Variants in TMIE observed in about 807,000 individuals in gnomAD.
TMIE encodes transmembrane inner ear, also known as transmembrane inner ear expressed protein.
TMIE carries 14 observed loss-of-function variants against 16.8 expected under a neutral mutation model. The ratio of observed to expected loss-of-function variants is 0.83; its 90% CI spans 0.55 to 1.30. The LOEUF (loss-of-function observed/expected upper bound fraction) is 1.30, where lower values mean the gene tolerates loss of function less well. Among genes scored for constraint, TMIE ranks in the 50% most tolerant of loss-of-function variants. The pLI is 0.00. For synonymous variants in TMIE, 75 were observed against 87.2 expected (o/e 0.86, Z 0.78); for missense variants, 204 against 205.9 (o/e 0.99, Z 0.06).
chr3:46,704,488 T>TGTCCCCTAGAC lies in TMIE; in HGVS notation c.94-1301_94-1300insTCCCCTAGACG, dbSNP rs1559496021. On this transcript the variant is annotated intron_variant, in intron 1 of 3. Coordinates refer to ENST00000643606, the MANE Select transcript of TMIE (RefSeq NM_147196.3). ...CCCAGGGCAGGACCATGTCCCTAGA[T>TGTCCCCTAGAC]GCCCAGGGCAGGACCGTGTCCCCTA... Among the ~76,000 whole-genome samples the TGTCCCCTAGAC allele has an allele frequency of 7.3e-5, 9 of 122,702 alleles. 2 individuals carry two copies. Among genetic ancestry groups the TGTCCCCTAGAC allele is most frequent in the African/African-American group, 1.7e-4 (5 of 29,072 alleles). 80.5% of individuals were successfully genotyped at this position (122,702 alleles called of 152,430 possible). A position where few individuals can be genotyped will look rare whatever the true frequency, so the allele number is the denominator to read the frequency against.
intron 1 of TMIE, among the ~76,000 whole-genome samples, chr3:46,695,932 C>T (rs1700408034): frequency 6.6e-6 from 1 of 152,220 alleles, no homozygotes; most frequent in African/African-American, 2.4e-5. Flanking sequence ...CCTGCCCAGC[C>T]TCTCTTACAG....
At chr3:46,707,703 G>A (rs1700569176) in intron 2 of TMIE, among the ~76,000 whole-genome samples, 2 of 152,218 alleles carry the variant, frequency 1.3e-5, no homozygotes, top group Admixed American at 1.3e-4. Flanking sequence ...AGGCTGTGCG[G>A]GGCAGGCCTG....
At chr3:46,708,976 A>G in intron 2 of TMIE, 150 bp from the exon 3 acceptor site, 1 of 985,420 alleles carries the variant, frequency 1.0e-6, no homozygotes, top group Non-Finnish European at 1.5e-6. Flanking sequence ...TAGGGTCCAC[A>G]GGGGTTTTGT....
At chr3:46,698,274 G>A (rs1307692930), upstream of TMIE, among the ~76,000 whole-genome samples, 1 of 152,066 alleles carries the variant, frequency 6.6e-6, no homozygotes, top group Admixed American at 6.6e-5. Flanking sequence ...TCGATCTCCT[G>A]ACCTCATGAT....
At chr3:46,699,060 A>ATTTTTT (rs397951323), upstream of TMIE, among the ~76,000 whole-genome samples, 14 of 84,868 alleles carry the variant, frequency 1.6e-4, 3 homozygotes, top group Non-Finnish European at 2.7e-4. Flanking sequence ...GGTGTTTCTT[A>ATTTTTT]TTTTTTTTTT....
chr3:46,708,999 C>A, intron 2 of TMIE, 127 bp from the exon 3 acceptor site: 4 of 1,258,776 alleles, frequency 3.2e-6, no homozygotes, highest in Non-Finnish European at 4.5e-6. Flanking sequence ...AGATGCTGAG[C>A]CTCCTGCCAG....
In TMIE at chr3:46,709,695, C is replaced by T. The variant is rs1700596893; in HGVS notation, c.*7C>T. The T allele has an allele frequency of 1.9e-6, 3 of 1,613,926 alleles. No homozygotes were observed. Among genetic ancestry groups the T allele is most frequent in the Middle Eastern group, 1.7e-4 (1 of 6,050 alleles). On this transcript the variant is annotated 3_prime_UTR_variant, in exon 4 of 4. Coordinates refer to ENST00000643606, the MANE Select transcript of TMIE (RefSeq NM_147196.3). ...GAAGAAAGGAGAGAAATGAAGACAT[C>T]CTGGGCAGCTTGGGCTGGCGGGCCC...
At chr3:46,705,935 C>T (rs750946525) in intron 2 of TMIE, 28 bp downstream of exon 2, 6 of 1,601,414 alleles carry the variant, frequency 3.7e-6, no homozygotes. Context: ...TCCCTCTCCA[C>T]CACACTGCAG....
At chr3:46,707,131 T>G (rs960435638) in intron 2 of TMIE, among the ~76,000 whole-genome samples, 1 of 152,152 alleles carries the variant, frequency 6.6e-6, no homozygotes, top group African/African-American at 2.4e-5. Context: ...CACAGACAGA[T>G]AGGTGTGCCT....
In TMIE at chr3:46,701,574, G is replaced by A. The variant is rs1700477876; in HGVS notation, c.87G>A (p.Leu29=). 2 of 1,285,486 alleles carry A rather than the reference G, an allele frequency of 1.6e-6. No homozygotes were observed. Among genetic ancestry groups the A allele is most frequent in the Admixed American group, 4.2e-5 (1 of 23,848 alleles). The allele number at this position is 1,285,486 out of a possible 1,614,324, so 79.6% of individuals were successfully genotyped here. A position where few individuals can be genotyped will look rare whatever the true frequency, so the allele number is the denominator to read the frequency against. The change falls in exon 1 of 4, where the codon CTG becomes CTA. Residue 29 remains leucine (L), a synonymous_variant. Transcript: ENST00000643606. The surrounding 1 kb of genome is among the most constrained non-coding windows in gnomAD (Gnocchi z 4.3). ...GCCTCGCGGGGGTTGCCGGGCAGCT[G>A]GTGGAGGTGAGGCCGCGGCACGGAG... ...GVCLAGVAGQ[L]VEPSTAPPKP...
chr3:46,694,275 C>G (rs1256357665), upstream of TMIE, among the ~76,000 whole-genome samples: 1 of 152,206 alleles, frequency 6.6e-6, no homozygotes, highest in Non-Finnish European at 1.5e-5. Flanking sequence ...CTCAACAGGC[C>G]TAGTAGAGCA....
chr3:46,708,729 G>C (rs961448145), intron 2 of TMIE, among the ~76,000 whole-genome samples: 2 of 152,214 alleles, frequency 1.3e-5, no homozygotes, highest in Non-Finnish European at 2.9e-5. Context: ...GTGTGGGAAG[G>C]AGAAGCTAAG....
upstream of TMIE, among the ~76,000 whole-genome samples, chr3:46,699,711 G>A (rs142480047): frequency 1.3e-5 from 2 of 152,304 alleles, no homozygotes; most frequent in South Asian, 4.1e-4. Flanking sequence ...TCTTCACTAG[G>A]CTTGCCCTAC....
chr3:46,708,071 T>C (rs1394371685), intron 2 of TMIE, among the ~76,000 whole-genome samples: 1 of 152,204 alleles, frequency 6.6e-6, no homozygotes, highest in East Asian at 1.9e-4. Context: ...GGCTCCCCAA[T>C]TCATTCACTC....
upstream of TMIE, among the ~76,000 whole-genome samples, chr3:46,694,251 C>T (rs1039353334): frequency 9.9e-5 from 15 of 152,210 alleles, no homozygotes; most frequent in African/African-American, 2.9e-4. Flanking sequence ...CCCCTTTCCT[C>T]CCCACTCCTG....
At chr3:46,701,250 G>A (rs1404433776), upstream of TMIE, 6 of 411,860 alleles carry the variant, frequency 1.5e-5, no homozygotes, top group Non-Finnish European at 2.6e-5. The surrounding 1 kb of genome is among the most constrained non-coding windows in gnomAD (Gnocchi z 4.3). Flanking sequence ...GGATGCGGAA[G>A]GTGGGGGCAG....
At chr3:46,704,607 G>A (rs1418277503) in intron 1 of TMIE, among the ~76,000 whole-genome samples, 1 of 148,236 alleles carries the variant, frequency 6.7e-6, no homozygotes, top group Non-Finnish European at 1.5e-5. Flanking sequence ...GACACCCAGG[G>A]TGGACCATGT....
upstream of TMIE, among the ~76,000 whole-genome samples, chr3:46,698,395 TAATA>T (rs918125096): frequency 6.6e-6 from 1 of 151,800 alleles, no homozygotes; most frequent in African/African-American, 2.4e-5. Context: ...ACAAGAATGA[TAATA>T]ATTATAATGA....
intron 1 of TMIE, among the ~76,000 whole-genome samples, chr3:46,705,555 G>C (rs540645031): frequency 6.6e-6 from 1 of 152,272 alleles, no homozygotes; most frequent in Non-Finnish European, 1.5e-5. Flanking sequence ...CCAGGCCTTG[G>C]TTTCCCCAAG....
Sources: gnomAD v4.1 joint callset for allele counts (sites outside exome capture counted in the v4.1 genomes callset) on GRCh38, gnomAD v4.1.1 for gene constraint, Gnocchi (gnomAD v3.1) non-coding constraint, MANE v1.5 for transcripts, NCBI Gene and HGNC (gene_info 2026-07-23, HGNC 2026-07-21) for gene names.